MRAP2: variants seen among roughly 807,000 people sequenced by gnomAD.
The protein encoded by MRAP2 is melanocortin-2 receptor accessory protein 2.
In MRAP2, 20 loss-of-function variants were observed where a neutral mutation model predicts 17.4. The ratio of observed to expected loss-of-function variants is 1.15; its 90% CI spans 0.81 to 1.67. The LOEUF is 1.67. MRAP2 is among the 40% of genes most tolerant of loss of function. The pLI is 0.00. For synonymous variants in MRAP2, 96 were observed against 88.4 expected, an observed-to-expected ratio of 1.09 and a Z score of -0.48; for missense variants, 238 against 240.0, an observed-to-expected ratio of 0.99 and a Z score of 0.05.
At chr6:84,076,268 G>A (rs570737096) in intron 3 of MRAP2, among the ~76,000 whole-genome samples, 226 of 149,116 alleles carry the variant, frequency 1.5e-3, no homozygotes, top group African/African-American at 5.4e-3. Context: ...CTGTCACCCC[G>A]GCTGAAGTGC....
chr6:84,095,578 T>G (rs1346054798), downstream of MRAP2, among the ~76,000 whole-genome samples: 1 of 152,238 alleles, frequency 6.6e-6, no homozygotes, highest in Non-Finnish European at 1.5e-5. Flanking sequence ...ATGGATTTTT[T>G]CCCTTCTGAA....
intron 1 of MRAP2, among the ~76,000 whole-genome samples, chr6:84,051,265 A>G (rs1423087226): frequency 6.6e-6 from 1 of 152,210 alleles, no homozygotes; most frequent in Non-Finnish European, 1.5e-5. Flanking sequence ...ATTTTTAAGA[A>G]GGTAGAGAGG....
intron 3 of MRAP2, among the ~76,000 whole-genome samples, chr6:84,066,228 C>A (rs1359915756): frequency 6.6e-6 from 1 of 152,078 alleles, no homozygotes; most frequent in Non-Finnish European, 1.5e-5. Context: ...TCATTTTAAC[C>A]CTGAATGCTT....
the MRAP2 span, among the ~76,000 whole-genome samples, chr6:84,116,591 G>A: frequency 2.0e-5 from 3 of 152,116 alleles, no homozygotes; most frequent in African/African-American, 7.2e-5. Context: ...AATGTTTCCA[G>A]CTTTTACTCA....
chr6:84,040,654 A>G (rs997432569), intron 1 of MRAP2, among the ~76,000 whole-genome samples: 4 of 152,198 alleles, frequency 2.6e-5, no homozygotes, highest in Admixed American at 1.3e-4. Context: ...GTGGTCTCAG[A>G]TAGAGATGAG....
At chr6:84,099,419 A>G in the MRAP2 span, among the ~76,000 whole-genome samples, 1 of 152,154 alleles carries the variant, frequency 6.6e-6, no homozygotes, top group Non-Finnish European at 1.5e-5. Flanking sequence ...TGAAATCAGT[A>G]GTAATATAGT....
chr6:84,118,181 G>C, the MRAP2 span, among the ~76,000 whole-genome samples: 2 of 152,016 alleles, frequency 1.3e-5, no homozygotes, highest in Non-Finnish European at 2.9e-5. Context: ...AACATGGGTG[G>C]GGGTGGCTGG....
rs186157892 is a variant in MRAP2, at chr6:84,041,228, C to T, written c.-8+7345C>T. Among the ~76,000 whole-genome samples the T allele has an allele frequency of 2.6e-5, 4 of 152,324 alleles. No homozygotes were observed. The East Asian group carries it at 7.7e-4, about 29-fold the overall frequency. Reference sequence around the variant, plus strand: ...TGGCAGCTTCCATTTGGTGTTGAGCCTATGGGTAAACAGAGGTCAAGAATT... The same window carrying T: ...TGGCAGCTTCCATTTGGTGTTGAGCTTATGGGTAAACAGAGGTCAAGAATT... On this transcript the variant is annotated intron_variant, in intron 1 of 3. Coordinates refer to ENST00000257776, the MANE Select transcript of MRAP2 (RefSeq NM_138409.4).
At chr6:84,111,403 C>G in the MRAP2 span, among the ~76,000 whole-genome samples, 509 of 150,480 alleles carry the variant, frequency 3.4e-3, 1 homozygote, top group Non-Finnish European at 5.2e-3. Context: ...TTGGCTCTCT[C>G]TTTGTCTATT....
At chr6:84,064,755 G>A (rs953848575) in intron 3 of MRAP2, among the ~76,000 whole-genome samples, 9 of 152,176 alleles carry the variant, frequency 5.9e-5, no homozygotes, top group Non-Finnish European at 1.3e-4. Context: ...CCAAAGTGCT[G>A]GGATTACAGG....
At chr6:84,104,207 T>C in the MRAP2 span, among the ~76,000 whole-genome samples, 3 of 152,208 alleles carry the variant, frequency 2.0e-5, no homozygotes, top group African/African-American at 7.2e-5. Context: ...CTTTCAGCCA[T>C]GGCTGGAGTG....
At chr6:84,038,840 A>C (rs2099486798) in intron 1 of MRAP2, among the ~76,000 whole-genome samples, 1 of 152,162 alleles carries the variant, frequency 6.6e-6, no homozygotes, top group African/African-American at 2.4e-5. Context: ...ACATCATGGG[A>C]TCTACTCAAG....
chr6:84,086,261 G>A (rs960309232), intron 3 of MRAP2, among the ~76,000 whole-genome samples: 1 of 152,220 alleles, frequency 6.6e-6, no homozygotes, highest in African/African-American at 2.4e-5. Flanking sequence ...TTTGGAGAGA[G>A]TTATCCTTAG....
At chr6:84,064,649 A>T (rs188180660) in intron 3 of MRAP2, among the ~76,000 whole-genome samples, 4 of 152,122 alleles carry the variant, frequency 2.6e-5, no homozygotes, top group Admixed American at 2.6e-4. Context: ...CACCACGCCC[A>T]GCTACTTTTT....
intron 3 of MRAP2, among the ~76,000 whole-genome samples, chr6:84,087,040 G>T (rs2099500654): frequency 6.6e-6 from 1 of 152,144 alleles, no homozygotes; most frequent in South Asian, 2.1e-4. Flanking sequence ...AATGCTTTGT[G>T]AACCCCCAAA....
chr6:84,068,688 A>AGTTCTTG (rs1476660860), intron 3 of MRAP2, among the ~76,000 whole-genome samples: 1 of 146,912 alleles, frequency 6.8e-6, no homozygotes, highest in Non-Finnish European at 1.5e-5. Context: ...AAGGGGATTA[A>AGTTCTTG]GTTCTTGATT....
downstream of MRAP2, among the ~76,000 whole-genome samples, chr6:84,094,609 T>A (rs2099502341): frequency 6.6e-6 from 1 of 152,204 alleles, no homozygotes; most frequent in South Asian, 2.1e-4. Context: ...ATGTTCCTCA[T>A]TTCCATTTTA....
downstream of MRAP2, among the ~76,000 whole-genome samples, chr6:84,095,191 T>G (rs890418313): frequency 6.6e-6 from 1 of 152,140 alleles, no homozygotes; most frequent in Non-Finnish European, 1.5e-5. Flanking sequence ...TGACAATGGG[T>G]TGCAAGCAAA....
the MRAP2 span, among the ~76,000 whole-genome samples, chr6:84,144,755 ACTGT>A: frequency 6.6e-6 from 1 of 152,140 alleles, no homozygotes; most frequent in Non-Finnish European, 1.5e-5. Context: ...CTTTTTAGGG[ACTGT>A]CTGTTTAAAA....
Sources: gnomAD v4.1 joint callset for allele counts (sites outside exome capture counted in the v4.1 genomes callset) on GRCh38, gnomAD v4.1.1 for gene constraint, MANE v1.5 for transcripts, NCBI Gene and HGNC (gene_info 2026-07-23, HGNC 2026-07-21) for gene names.